Variants in FANCC observed in about 807,000 individuals in gnomAD.
The protein encoded by FANCC is Fanconi anemia group C protein.
FANCC carries 55 observed loss-of-function variants against 71.3 expected under a neutral mutation model. That is an observed-to-expected ratio of 0.77 (90% CI 0.62 to 0.97). The LOEUF (loss-of-function observed/expected upper bound fraction) is 0.97. Among genes scored for constraint, FANCC ranks in the 50% least tolerant of loss-of-function variants. The probability of loss-of-function intolerance (pLI) is 0.00; values close to 1 mark genes in which losing one functional copy is unlikely to be tolerated. For missense variants in FANCC, 678 were observed against 670.9 expected (o/e 1.01, Z -0.12); for synonymous variants, 275 against 244.9 (o/e 1.12, Z -1.15).
intron 4 of FANCC, among the ~76,000 whole-genome samples, chr9:95,232,988 C>A (rs1438656819): frequency 6.6e-6 from 1 of 152,108 alleles, no homozygotes; most frequent in East Asian, 1.9e-4. Flanking sequence ...TCTTGACCAA[C>A]CAGTGTGGCC....
chr9:95,106,141 C>T (rs1311654509), intron 14 of FANCC, among the ~76,000 whole-genome samples: 1 of 152,172 alleles, frequency 6.6e-6, no homozygotes. Flanking sequence ...CTTTTCTCTC[C>T]TTGCTGACAG....
chr9:95,278,847 A>C (rs1249319649), intron 1 of FANCC, among the ~76,000 whole-genome samples: 2 of 151,230 alleles, frequency 1.3e-5, no homozygotes, highest in East Asian at 3.9e-4. Flanking sequence ...ATTCAAAAAG[A>C]ATAGTGAAAA....
intron 1 of FANCC, chr9:95,292,930 A>C (rs1309971250): frequency 2.5e-6 from 4 of 1,580,650 alleles, no homozygotes; most frequent in Non-Finnish European, 3.5e-6. Context: ...GGCTGTCCCT[A>C]CGCCAGTAGA....
chr9:95,124,280 G>A (rs1176101457), intron 10 of FANCC, among the ~76,000 whole-genome samples: 1 of 152,028 alleles, frequency 6.6e-6, no homozygotes, highest in African/African-American at 2.4e-5. Flanking sequence ...AGATGCACTG[G>A]ACCAGCACCA....
chr9:95,311,742 T>TGG (rs1449311083), intron 1 of FANCC, among the ~76,000 whole-genome samples: 4 of 151,706 alleles, frequency 2.6e-5, no homozygotes, highest in Non-Finnish European at 5.9e-5. Context: ...TGTGTGTGTG[T>TGG]GTGAAAAACC....
rs535303834 is a variant in FANCC at position 95,259,911 on chromosome 9, T to C, written c.-78-10542A>G. Among the ~76,000 whole-genome samples, 11 of 152,326 alleles carry C rather than the reference T, an allele frequency of 7.2e-5. 1 individual carries two copies. In the South Asian group the frequency reaches 2.3e-3, roughly 32 times the overall value. ...AACAGACACTTCTCAAAAGAAGACA[T>C]TTATGCAGCCAACAAACATATGAAA... On this transcript the variant is annotated intron_variant, in intron 1 of 14. Coordinates refer to ENST00000289081, the MANE Select transcript of FANCC (RefSeq NM_000136.3).
chr9:95,292,021 T>C (rs1834051500), intron 1 of FANCC, among the ~76,000 whole-genome samples: 1 of 138,364 alleles, frequency 7.2e-6, no homozygotes. Context: ...AAAGCAATCT[T>C]GCGTCAAAAA....
intron 13 of FANCC, among the ~76,000 whole-genome samples, chr9:95,107,725 G>A (rs559839589): frequency 1.1e-4 from 17 of 152,198 alleles, no homozygotes; most frequent in African/African-American, 3.1e-4. Context: ...GGGTCAGGGC[G>A]GGGGGTCGGG....
intron 1 of FANCC, among the ~76,000 whole-genome samples, chr9:95,302,081 C>CAAAA (rs375479917): frequency 2.0e-5 from 2 of 99,002 alleles, no homozygotes; most frequent in Non-Finnish European, 2.0e-5. Flanking sequence ...GACTCCATCT[C>CAAAA]AAAAAAAAAA....
chr9:95,313,783 T>G (rs1186194219), intron 1 of FANCC, among the ~76,000 whole-genome samples: 2 of 152,210 alleles, frequency 1.3e-5, no homozygotes, highest in Admixed American at 6.5e-5. Context: ...GGATTTAGAA[T>G]GCAAGGTTAG....
intron 1 of FANCC, chr9:95,292,911 T>C: frequency 6.3e-7 from 1 of 1,582,070 alleles, no homozygotes; most frequent in Non-Finnish European, 8.7e-7. Flanking sequence ...GACCTTCCGG[T>C]GCACATGCGG....
chr9:95,250,299 C>G (rs1296541223), intron 1 of FANCC, among the ~76,000 whole-genome samples: 1 of 152,142 alleles, frequency 6.6e-6, no homozygotes, highest in Non-Finnish European at 1.5e-5. Flanking sequence ...AATGTAATTT[C>G]AAAAGACTAG....
chr9:95,307,124 ATC>A (rs1835114817), intron 1 of FANCC, among the ~76,000 whole-genome samples: 1 of 152,130 alleles, frequency 6.6e-6, no homozygotes, highest in South Asian at 2.1e-4. Context: ...GGCTCAAGTG[ATC>A]TGCCCACCTC....
intron 4 of FANCC, among the ~76,000 whole-genome samples, chr9:95,200,189 G>A (rs1423532151): frequency 6.6e-6 from 1 of 152,212 alleles, no homozygotes; most frequent in South Asian, 2.1e-4. Context: ...GTTCATGCAC[G>A]GTAGCAGTCA....
intron 1 of FANCC, among the ~76,000 whole-genome samples, chr9:95,297,052 A>G (rs976409464): frequency 1.3e-5 from 2 of 152,238 alleles, no homozygotes; most frequent in Non-Finnish European, 2.9e-5. Flanking sequence ...GACTAAGTGG[A>G]GCACTTAACC....
chr9:95,268,318 T>C (rs1295514375), intron 1 of FANCC, among the ~76,000 whole-genome samples: 1 of 152,256 alleles, frequency 6.6e-6, no homozygotes. Context: ...TTCACCATCA[T>C]GGTATCACAA....
intron 4 of FANCC, among the ~76,000 whole-genome samples, chr9:95,180,769 T>G (rs545680811): frequency 6.6e-6 from 1 of 152,158 alleles, no homozygotes; most frequent in Non-Finnish European, 1.5e-5. Context: ...TTATATGTGT[T>G]ATCCTTTTCT....
At chr9:95,214,561 C>T (rs1198611081) in intron 4 of FANCC, among the ~76,000 whole-genome samples, 2 of 152,166 alleles carry the variant, frequency 1.3e-5, no homozygotes, top group East Asian at 3.8e-4. Context: ...CCCATGTTCC[C>T]ACCAGCATTA....
At chr9:95,128,209 A>G (rs1393104549) in intron 8 of FANCC, among the ~76,000 whole-genome samples, 1 of 152,240 alleles carries the variant, frequency 6.6e-6, no homozygotes, top group Non-Finnish European at 1.5e-5. Context: ...AAAAGTTTCT[A>G]TGTATTCATA....
Sources: gnomAD v4.1 joint callset for allele counts (sites outside exome capture counted in the v4.1 genomes callset) on GRCh38, gnomAD v4.1.1 for gene constraint, MANE v1.5 for transcripts, NCBI Gene and HGNC (gene_info 2026-07-23, HGNC 2026-07-21) for gene names.